Variants in ANXA2 observed in about 807,000 individuals in gnomAD.
The protein encoded by ANXA2 is annexin II.
Under a neutral mutation model 47.3 loss-of-function variants are expected in ANXA2, and 28 were observed. That is an observed-to-expected ratio of 0.59 (90% CI 0.44 to 0.81). The LOEUF (loss-of-function observed/expected upper bound fraction) is 0.81. Among genes scored for constraint, ANXA2 ranks in the 40% least tolerant of loss-of-function variants. The pLI is 0.00. For synonymous variants in ANXA2, 172 were observed against 155.5 expected (o/e 1.11, Z -0.79); for missense variants, 384 against 414.3 (o/e 0.93, Z 0.64).
chr15:60,349,281 G>A (rs1209752305), intron 11 of ANXA2, 84 bp from the exon 12 acceptor site: 1 of 1,486,234 alleles, frequency 6.7e-7, no homozygotes, highest in Non-Finnish European at 9.2e-7. Flanking sequence ...TCCCTGATCT[G>A]AAAATCTGAA....
chr15:60,386,009 G>C lies in ANXA2; in HGVS notation c.48+19C>G, dbSNP rs767496716. The C allele has an allele frequency of 1.9e-6, 3 of 1,591,810 alleles. No individual in the cohort carries two copies. The highest frequency in any genetic ancestry group is 2.6e-6 in the Non-Finnish European group (3 of 1,164,106). ...GTCCAACTTGCAAAAATTATATAAAGTGAAAGTGATATACTTACATCACCC... is the reference window on the plus strand; with the variant it reads ...GTCCAACTTGCAAAAATTATATAAACTGAAAGTGATATACTTACATCACCC... On this transcript the variant is annotated intron_variant, in intron 2 of 12. Transcript: ENST00000451270.
chr15:60,370,450 T>C (rs1347649164), intron 3 of ANXA2, among the ~76,000 whole-genome samples: 1 of 152,230 alleles, frequency 6.6e-6, no homozygotes, highest in Non-Finnish European at 1.5e-5. Context: ...AATACATGCA[T>C]CTGCAAATGG....
chr15:60,386,241 G>A (rs2062931983), intron 1 of ANXA2, 155 bp from the exon 2 acceptor site: 1 of 608,242 alleles, frequency 1.6e-6, no homozygotes, highest in African/African-American at 1.9e-5. Flanking sequence ...TCTTACGACT[G>A]TAAAAACTAA....
intron 2 of ANXA2, 126 bp downstream of exon 2, chr15:60,385,902 G>A (rs2062926148): frequency 3.3e-6 from 2 of 614,608 alleles, no homozygotes; most frequent in Non-Finnish European, 5.7e-6. Flanking sequence ...AGAAAGAGGA[G>A]AACCAAATGA....
At position 60,378,960 on chromosome 15, in the gene ANXA2, G is replaced by A. The variant is rs756505621; in HGVS notation, c.148+3382C>T. ...CAGCCTGGTGACACAGCAAGACTCTGTCTTACAATATATATATAAATAAGT... is the reference window on the plus strand; with the variant it reads ...CAGCCTGGTGACACAGCAAGACTCTATCTTACAATATATATATAAATAAGT... On this transcript the variant is annotated intron_variant, in intron 3 of 12. Transcript: ENST00000451270. Among the ~76,000 whole-genome samples the A allele has an allele frequency of 2.0e-5, 3 of 149,126 alleles. No individual in the cohort carries two copies. The South Asian group carries it at 6.4e-4, about 32-fold the overall frequency.
intron 5 of ANXA2, 117 bp from the exon 6 acceptor site, chr15:60,357,353 T>C: frequency 1.3e-6 from 1 of 748,088 alleles, no homozygotes; most frequent in Non-Finnish European, 2.3e-6. Flanking sequence ...CATCCTGCTT[T>C]CTACATTCCT....
At chr15:60,390,310 T>C in intron 1 of ANXA2, 2 of 1,053,272 alleles carry the variant, frequency 1.9e-6, no homozygotes, top group African/African-American at 1.7e-5. Flanking sequence ...ATGGCAAACA[T>C]TTTCACCCTA....
intron 1 of ANXA2, chr15:60,397,395 G>A (rs1317238496): frequency 3.4e-6 from 3 of 874,670 alleles, no homozygotes; most frequent in South Asian, 5.2e-5. Context: ...GGGCTGAGGG[G>A]TGCCTACTCA....
chr15:60,364,681 A>G (rs899334988), intron 3 of ANXA2, among the ~76,000 whole-genome samples, 158 bp from the exon 4 acceptor site: 1 of 152,210 alleles, frequency 6.6e-6, no homozygotes, highest in Non-Finnish European at 1.5e-5. Flanking sequence ...TTTCGTCAGC[A>G]TCCTCTACCC....
chr15:60,364,516 A>G lies in ANXA2; in HGVS notation c.156T>C (p.Asp52=). Reference sequence around the variant, plus strand: ...TCAAAATGTTGACAATGGTGACCTCATCCACACCTATGGAAATACAAGTTG... The same window carrying G: ...TCAAAATGTTGACAATGGTGACCTCGTCCACACCTATGGAAATACAAGTTG... The part of the protein sequence containing the change: ...IETAIKTKGV[D]EVTIVNILTN... Residue 52 remains aspartate (D), a synonymous_variant, in exon 4 of 13, where the codon GAT becomes GAC. Transcript: ENST00000451270. The G allele has an allele frequency of 6.2e-7, 1 of 1,611,434 alleles. No individual in the cohort carries two copies. Among genetic ancestry groups the G allele is most frequent in the Non-Finnish European group, 8.5e-7 (1 of 1,179,080 alleles).
intron 2 of ANXA2, 46 bp downstream of exon 2, chr15:60,385,982 A>T: frequency 7.7e-7 from 1 of 1,300,174 alleles, no homozygotes; most frequent in South Asian, 1.2e-5. Context: ...ATCCAGAGAG[A>T]TGTCCAACTT....
chr15:60,364,372 G>T, intron 4 of ANXA2, 57 bp downstream of exon 4: 1 of 1,398,480 alleles, frequency 7.2e-7, no homozygotes, highest in Non-Finnish European at 1.0e-6. Flanking sequence ...AAAAAGCAAT[G>T]TCTGAGGAAA....
chr15:60,366,479 G>A (rs1192262615), intron 3 of ANXA2, among the ~76,000 whole-genome samples: 2 of 149,560 alleles, frequency 1.3e-5, no homozygotes, highest in Non-Finnish European at 3.0e-5. Context: ...GATGTGAGGA[G>A]CGCCTCTGCC....
chr15:60,393,175 A>G (rs2090970230), intron 1 of ANXA2: 8 of 1,230,316 alleles, frequency 6.5e-6, no homozygotes, highest in Non-Finnish European at 6.3e-6. Flanking sequence ...GACACACAGC[A>G]CTTGCTCCAG....
intron 7 of ANXA2, among the ~76,000 whole-genome samples, chr15:60,354,941 C>T (rs1595665510): frequency 6.6e-6 from 1 of 152,152 alleles, no homozygotes; most frequent in Admixed American, 6.6e-5. Context: ...TCTCAGAGGG[C>T]AGAGTCAGCA....
At chr15:60,359,934 A>G (rs2062488080) in intron 5 of ANXA2, among the ~76,000 whole-genome samples, 1 of 152,226 alleles carries the variant, frequency 6.6e-6, no homozygotes, top group South Asian at 2.1e-4. Flanking sequence ...AACATACATT[A>G]ATGTGTGTGC....
At chr15:60,366,831 C>A (rs1379859887) in intron 3 of ANXA2, among the ~76,000 whole-genome samples, 1 of 85,536 alleles carries the variant, frequency 1.2e-5, no homozygotes, top group Non-Finnish European at 2.5e-5. Context: ...CCAGCCGCCC[C>A]GTCCGGGAGG....
chr15:60,351,881 C>A (rs1050945617), intron 9 of ANXA2, 62 bp from the exon 10 acceptor site: 18 of 1,133,920 alleles, frequency 1.6e-5, no homozygotes, highest in Non-Finnish European at 2.4e-5. Context: ...TCAACGATCA[C>A]CCACCTAGTT....
intron 3 of ANXA2, among the ~76,000 whole-genome samples, chr15:60,368,045 GT>G (rs1359948005): frequency 7.5e-6 from 1 of 132,452 alleles, no homozygotes; most frequent in African/African-American, 2.9e-5. Flanking sequence ...CATGTGCTGC[GT>G]CCACTCAGGG....
Sources: allele counts gnomAD v4.1 joint callset (sites outside exome capture counted in the v4.1 genomes callset), GRCh38; gene constraint gnomAD v4.1.1; transcripts MANE v1.5; gene names NCBI Gene and HGNC (gene_info 2026-07-23, HGNC 2026-07-21).